Variants in SLCO1B1 observed in about 807,000 individuals in gnomAD.
SLCO1B1 encodes solute carrier organic anion transporter family member 1B1.
SLCO1B1 carries 81 observed loss-of-function variants against 70.1 expected under a neutral mutation model. That is an observed-to-expected ratio of 1.16 (90% CI 0.97 to 1.39). The LOEUF is 1.39. Among genes scored for constraint, SLCO1B1 ranks in the 40% most tolerant of loss-of-function variants. The pLI is 0.00. For synonymous variants in SLCO1B1, 283 were observed against 271.5 expected (o/e 1.04, Z -0.42); for missense variants, 895 against 799.6 (o/e 1.12, Z -1.44).
At chr12:21,187,962 C>T (rs1384557721) in intron 7 of SLCO1B1, among the ~76,000 whole-genome samples, 1 of 152,116 alleles carries the variant, frequency 6.6e-6, no homozygotes, top group Non-Finnish European at 1.5e-5. Flanking sequence ...ATAGAAGCAG[C>T]AGTGCCAGAA....
chr12:21,143,398 G>A (rs1330083901), intron 2 of SLCO1B1, among the ~76,000 whole-genome samples: 5 of 151,896 alleles, frequency 3.3e-5, no homozygotes, highest in Admixed American at 3.3e-4. Flanking sequence ...GAAAGATAAT[G>A]AAAACAATAG....
chr12:21,158,092 G>A (rs554322605), intron 2 of SLCO1B1, among the ~76,000 whole-genome samples: 1 of 152,092 alleles, frequency 6.6e-6, no homozygotes, highest in Admixed American at 6.5e-5. Flanking sequence ...TTTTAAAAAT[G>A]AAATTCTCTA....
In SLCO1B1 at chr12:21,201,176, G is replaced by T. The variant is rs185307862; in HGVS notation, c.1135+504G>T. Among the ~76,000 whole-genome samples, 234 of 152,120 alleles carry T rather than the reference G, an allele frequency of 1.5e-3. 3 individuals are homozygous for T. The highest frequency in any genetic ancestry group is 5.6e-3 in the African/African-American group (232 of 41,522). ...TATTTTCAATGGCACATTTAGATGT[G>T]CTTATTAAGGAAAGTTTCCTTGTAT... On this transcript the variant is annotated intron_variant, in intron 9 of 14. Transcript: ENST00000256958.
intron 12 of SLCO1B1, among the ~76,000 whole-genome samples, chr12:21,221,493 G>A (rs959805275): frequency 6.6e-6 from 1 of 151,688 alleles, no homozygotes; most frequent in African/African-American, 2.4e-5. Context: ...CTACAGGAAG[G>A]GAAAAAATAT....
At chr12:21,197,483 G>T (rs1013191488) in intron 8 of SLCO1B1, among the ~76,000 whole-genome samples, 1 of 151,944 alleles carries the variant, frequency 6.6e-6, no homozygotes, top group East Asian at 1.9e-4. Flanking sequence ...GTATTATATG[G>T]TCTAAACTGG....
chr12:21,201,550 T>A (rs2121147849), intron 9 of SLCO1B1, among the ~76,000 whole-genome samples: 1 of 152,264 alleles, frequency 6.6e-6, no homozygotes, highest in Non-Finnish European at 1.5e-5. Context: ...AGGTTCTGTA[T>A]GTTTTTTAAT....
rs540112224 is a variant in SLCO1B1 at position 21,178,692 on chromosome 12, G to C, written c.598G>C (p.Ala200Pro). Residue 200 changes from alanine (A) to proline (P), a missense_variant, in exon 6 of 15, where the codon GCT (alanine) becomes CCT (proline). Coordinates refer to ENST00000256958, the MANE Select transcript of SLCO1B1 (RefSeq NM_006446.5). ...PLGLSYIDDF[A>P]KEGHSSLYLG... ...GGGGCTTTCTTACATTGATGATTTC[G>C]CTAAAGAAGGACATTCTTCTTTGTA... 1 of 1,603,844 alleles carries C rather than the reference G, an allele frequency of 6.2e-7. No individual in the cohort carries two copies. Among genetic ancestry groups the C allele is most frequent in the Non-Finnish European group, 8.5e-7 (1 of 1,170,718 alleles).
At chr12:21,217,652 T>G (rs769298452) in intron 12 of SLCO1B1, among the ~76,000 whole-genome samples, 33 of 152,142 alleles carry the variant, frequency 2.2e-4, no homozygotes, top group Non-Finnish European at 3.7e-4. Flanking sequence ...GCCTTGCATC[T>G]CTCAGGGTAA....
intron 14 of SLCO1B1, among the ~76,000 whole-genome samples, chr12:21,234,640 G>A (rs939803760): frequency 6.6e-5 from 10 of 151,962 alleles, no homozygotes; most frequent in East Asian, 3.9e-4. Context: ...TTTCAGTCTC[G>A]GTTATAGTTT....
At chr12:21,135,865 G>T (rs1437707167) in intron 1 of SLCO1B1, among the ~76,000 whole-genome samples, 1 of 152,178 alleles carries the variant, frequency 6.6e-6, no homozygotes. Context: ...GTGTGAATTT[G>T]ATCCTGTCAT....
intron 7 of SLCO1B1, among the ~76,000 whole-genome samples, chr12:21,194,956 CCA>C (rs1468792302): frequency 1.3e-5 from 2 of 152,076 alleles, no homozygotes; most frequent in African/African-American, 4.8e-5. Flanking sequence ...AGGCAAGGTG[CCA>C]CACACTTTTT....
intron 1 of SLCO1B1, among the ~76,000 whole-genome samples, chr12:21,133,329 C>G (rs1940168579): frequency 6.6e-6 from 1 of 151,966 alleles, no homozygotes; most frequent in Non-Finnish European, 1.5e-5. Flanking sequence ...TTTTTTGGTT[C>G]CATATGAACT....
At chr12:21,223,161 T>C (rs1941446732) in intron 13 of SLCO1B1, among the ~76,000 whole-genome samples, 1 of 152,082 alleles carries the variant, frequency 6.6e-6, no homozygotes, top group Non-Finnish European at 1.5e-5. Flanking sequence ...GAGAATGGAG[T>C]AAAATTTTTT....
chr12:21,131,898 A>G (rs1333427360), intron 1 of SLCO1B1, among the ~76,000 whole-genome samples: 1 of 152,160 alleles, frequency 6.6e-6, no homozygotes, highest in African/African-American at 2.4e-5. Context: ...CAGGTTTGTT[A>G]CATATGTATA....
intron 9 of SLCO1B1, among the ~76,000 whole-genome samples, chr12:21,202,146 G>A (rs902633112): frequency 6.6e-6 from 1 of 152,104 alleles, no homozygotes; most frequent in Non-Finnish European, 1.5e-5. Context: ...ACTCATAAGT[G>A]GGAGTTGAAC....
rs1555178647 is a variant in SLCO1B1, at chr12:21,195,420, T to TTTTGATTG, written c.728-1522_728-1521insATTGTTTG. Among the ~76,000 whole-genome samples, 1,141 of 152,232 alleles carry TTTTGATTG rather than the reference T, an allele frequency of 7.5e-3. 22 individuals are homozygous for TTTTGATTG. The highest frequency in any genetic ancestry group is 0.027 in the African/African-American group (1,101 of 41,540). ...TGAAAACTGAGGTGTTTTCTTTGTT[T>TTTTGATTG]TTTGTTTGTTTGTTTGTTTTTCTTT... On this transcript the variant is annotated intron_variant, in intron 7 of 14. Transcript: ENST00000256958.
At chr12:21,140,587 A>G (rs1940294732) in intron 1 of SLCO1B1, among the ~76,000 whole-genome samples, 1 of 152,012 alleles carries the variant, frequency 6.6e-6, no homozygotes, top group Non-Finnish European at 1.5e-5. Flanking sequence ...ATATGAAATG[A>G]TTAGATACAA....
chr12:21,202,809 A>T, intron 10 of SLCO1B1, 123 bp downstream of exon 10: 1 of 768,282 alleles, frequency 1.3e-6, no homozygotes, highest in Non-Finnish European at 2.0e-6. Context: ...GAGAAATTTC[A>T]ATTTTAAAAT....
intron 7 of SLCO1B1, among the ~76,000 whole-genome samples, chr12:21,193,045 A>G (rs1329818908): frequency 1.3e-5 from 2 of 151,884 alleles, no homozygotes; most frequent in African/African-American, 4.8e-5. Flanking sequence ...GTTTTATTCC[A>G]TTGTAGTTAG....
Sources: gnomAD v4.1 joint callset for allele counts (sites outside exome capture counted in the v4.1 genomes callset) on GRCh38, gnomAD v4.1.1 for gene constraint, MANE v1.5 for transcripts, NCBI Gene and HGNC (gene_info 2026-07-23, HGNC 2026-07-21) for gene names.